The following SLC9A9 variants were observed in gnomAD, a reference collection of about 807,000 sequenced individuals.
SLC9A9 encodes solute carrier family 9 member A9.
A neutral mutation model predicts 77.8 loss-of-function variants in SLC9A9; 62 were observed. The observed-to-expected ratio is 0.80, with a 90% CI of 0.65 to 0.98. SLC9A9 has a LOEUF of 0.98. Among genes scored for constraint, SLC9A9 ranks in the 50% least tolerant of loss-of-function variants. The pLI, the probability that SLC9A9 is intolerant of heterozygous loss-of-function variation, is 0.00. For synonymous variants in SLC9A9, 320 were observed against 283.5 expected, an observed-to-expected ratio of 1.13 and a Z score of -1.29; for missense variants, 775 against 774.9, an observed-to-expected ratio of 1.00 and a Z score of 0.00.
At chr3:143,537,947 C>A (rs2036620314) in intron 9 of SLC9A9, among the ~76,000 whole-genome samples, 1 of 152,228 alleles carries the variant, frequency 6.6e-6, no homozygotes, top group African/African-American at 2.4e-5. Flanking sequence ...TGACTTCTTT[C>A]ATTAGCTTCT....
At chr3:143,780,655 TATG>T (rs1156932858) in intron 4 of SLC9A9, among the ~76,000 whole-genome samples, 1 of 152,198 alleles carries the variant, frequency 6.6e-6, no homozygotes, top group East Asian at 1.9e-4. Context: ...GGAGCCACCA[TATG>T]ATGCTAATCA....
chr3:143,559,746 A>C (rs1418378380), intron 8 of SLC9A9, among the ~76,000 whole-genome samples: 1 of 152,198 alleles, frequency 6.6e-6, no homozygotes, highest in African/African-American at 2.4e-5. Flanking sequence ...TCTTCTACTC[A>C]TAAGAACTTA....
intron 6 of SLC9A9, among the ~76,000 whole-genome samples, chr3:143,583,562 A>G (rs1273497076): frequency 6.6e-6 from 1 of 152,242 alleles, no homozygotes; most frequent in African/African-American, 2.4e-5. Context: ...GCTTACTGCC[A>G]CTTACTGCCT....
chr3:143,524,208 C>T (rs2036365414), intron 9 of SLC9A9, among the ~76,000 whole-genome samples: 1 of 149,310 alleles, frequency 6.7e-6, no homozygotes, highest in African/African-American at 2.5e-5. Flanking sequence ...AGAGATCTAA[C>T]AGCCTGAAGA....
chr3:143,414,660 C>T (rs934209480), intron 12 of SLC9A9, among the ~76,000 whole-genome samples: 3 of 152,194 alleles, frequency 2.0e-5, no homozygotes, highest in Non-Finnish European at 4.4e-5. Context: ...TGTGTGTGTT[C>T]TGACTGGTCC....
At chr3:143,304,869 C>T (rs1160521350) in intron 14 of SLC9A9, among the ~76,000 whole-genome samples, 1 of 152,162 alleles carries the variant, frequency 6.6e-6, no homozygotes, top group Non-Finnish European at 1.5e-5. Flanking sequence ...GTGATGAGCA[C>T]CACCACCCTT....
intron 12 of SLC9A9, among the ~76,000 whole-genome samples, chr3:143,463,456 T>C (rs953286501): frequency 7.9e-5 from 12 of 152,312 alleles, no homozygotes; most frequent in African/African-American, 2.6e-4. Flanking sequence ...AACCATTTGG[T>C]CGATAATCTT....
intron 6 of SLC9A9, among the ~76,000 whole-genome samples, chr3:143,629,570 T>C (rs967681573): frequency 1.3e-5 from 2 of 150,906 alleles, no homozygotes; most frequent in Non-Finnish European, 2.9e-5. Context: ...TGCGTGTGTG[T>C]GCGTGTGTGT....
intron 6 of SLC9A9, among the ~76,000 whole-genome samples, chr3:143,580,038 T>C (rs1449881495): frequency 6.6e-6 from 1 of 152,222 alleles, no homozygotes; most frequent in Non-Finnish European, 1.5e-5. Context: ...CCTTGAAATG[T>C]ATGCGAGAAA....
At chr3:143,632,994 C>T (rs1459369181) in intron 6 of SLC9A9, among the ~76,000 whole-genome samples, 1 of 152,222 alleles carries the variant, frequency 6.6e-6, no homozygotes, top group Non-Finnish European at 1.5e-5. Context: ...ATCAGAGACA[C>T]ATGCATTCCT....
chr3:143,688,487 C>A (rs954729973), intron 5 of SLC9A9, among the ~76,000 whole-genome samples: 2 of 152,000 alleles, frequency 1.3e-5, no homozygotes, highest in Non-Finnish European at 2.9e-5. Flanking sequence ...GAGGCCTGAC[C>A]CTGAAAGCCA....
At chr3:143,821,603 A>G (rs1279578512) in intron 2 of SLC9A9, among the ~76,000 whole-genome samples, 1 of 152,216 alleles carries the variant, frequency 6.6e-6, no homozygotes, top group Non-Finnish European at 1.5e-5. Context: ...GAAATTAGGT[A>G]AGCCTGTATT....
At chr3:143,742,861 C>G (rs761524017) in intron 4 of SLC9A9, among the ~76,000 whole-genome samples, 1 of 151,932 alleles carries the variant, frequency 6.6e-6, no homozygotes, top group African/African-American at 2.4e-5. Context: ...AATGGAAACT[C>G]TTTGTACTAT....
chr3:143,459,847 C>T (rs1370058205), intron 12 of SLC9A9, among the ~76,000 whole-genome samples: 2 of 151,896 alleles, frequency 1.3e-5, no homozygotes, highest in East Asian at 1.9e-4. Context: ...CAAGGCTAAT[C>T]GGTGAGAGGA....
intron 14 of SLC9A9, among the ~76,000 whole-genome samples, chr3:143,296,197 T>TA: frequency 6.6e-6 from 1 of 152,340 alleles, no homozygotes; most frequent in South Asian, 2.1e-4. Flanking sequence ...TAACTGAAGC[T>TA]ATGCCAATTA....
In SLC9A9 at chr3:143,265,777, G is replaced by T. The variant is rs565073822; in HGVS notation, c.*925C>A. 3.6e-6 allele frequency: 2 copies of T among 552,644 alleles called. No homozygotes were observed. Among genetic ancestry groups the T allele is most frequent in the South Asian group, 2.6e-5 (1 of 38,252 alleles). The allele number at this position is 552,644 out of a possible 1,614,324, so 34.2% of individuals were successfully genotyped here. ...GTTCCTCTCGCCCTGCTCCTGCACT[G>T]CTCATCAGCTGTGAATGCTGGAATT... On this transcript the variant is annotated 3_prime_UTR_variant, in exon 16 of 16. Transcript: ENST00000316549.
intron 5 of SLC9A9, among the ~76,000 whole-genome samples, chr3:143,659,129 A>AT (rs1267596498): frequency 6.6e-6 from 1 of 152,104 alleles, no homozygotes; most frequent in East Asian, 1.9e-4. Context: ...TCCAATTAGG[A>AT]TTTTCACTTC....
intron 4 of SLC9A9, among the ~76,000 whole-genome samples, chr3:143,699,271 G>A (rs916311815): frequency 5.3e-5 from 8 of 152,088 alleles, no homozygotes; most frequent in Non-Finnish European, 1.2e-4. Context: ...CAAGACGGTA[G>A]AACAGAAGGC....
intron 14 of SLC9A9, among the ~76,000 whole-genome samples, chr3:143,347,913 T>C (rs577358565): frequency 9.8e-5 from 15 of 152,298 alleles, no homozygotes; most frequent in African/African-American, 3.6e-4. Flanking sequence ...CATAAAAAGA[T>C]GAGTTCTGGC....
Sources: allele counts gnomAD v4.1 joint callset (sites outside exome capture counted in the v4.1 genomes callset), GRCh38; gene constraint gnomAD v4.1.1; transcripts MANE v1.5; gene names NCBI Gene and HGNC (gene_info 2026-07-23, HGNC 2026-07-21).